Variants in PCDHA7 observed in about 807,000 individuals in gnomAD.
The protein encoded by PCDHA7 is protocadherin alpha-7.
In PCDHA7, 37 loss-of-function variants were observed where a neutral mutation model predicts 57.2. That is an observed-to-expected ratio of 0.65 (90% CI 0.50 to 0.85). The LOEUF (loss-of-function observed/expected upper bound fraction) is 0.85. Among genes scored for constraint, PCDHA7 ranks in the 40% least tolerant of loss-of-function variants. PCDHA7 has a pLI of 0.00. For synonymous variants in PCDHA7, 553 were observed against 558.8 expected (o/e 0.99, Z 0.15); for missense variants, 1,188 against 1,241.8 (o/e 0.96, Z 0.65).
intron 1 of PCDHA7, among the ~76,000 whole-genome samples, chr5:140,943,500 G>T (rs907493905): frequency 6.6e-6 from 1 of 152,048 alleles, no homozygotes; most frequent in Non-Finnish European, 1.5e-5. Flanking sequence ...TGCTATCAAG[G>T]TTCATGGAAA....
chr5:140,877,178 C>T (rs370071106), intron 1 of PCDHA7: 2 of 1,613,794 alleles, frequency 1.2e-6, no homozygotes, highest in South Asian at 2.2e-5. Context: ...CTGGCGACTC[C>T]GGCTGGCAGC....
chr5:140,949,779 T>A (rs1414817850), intron 1 of PCDHA7, among the ~76,000 whole-genome samples: 1 of 151,898 alleles, frequency 6.6e-6, no homozygotes, highest in East Asian at 1.9e-4. Context: ...ATTTGATATG[T>A]TTAGATTTGT....
intron 1 of PCDHA7, among the ~76,000 whole-genome samples, chr5:140,935,203 A>T (rs1403808889): frequency 6.6e-6 from 1 of 152,160 alleles, no homozygotes; most frequent in African/African-American, 2.4e-5. Flanking sequence ...GTTTCTAGGT[A>T]TCTTCAGCTA....
At position 140,838,077 on chromosome 5, in the gene PCDHA7, A is replaced by AGTGT. The variant is rs57130401; in HGVS notation, c.2355+1390_2355+1393dup. On this transcript the variant is annotated intron_variant, in intron 1 of 3. Transcript: ENST00000525929. ...TTTCCACTTTAAGTTATATATATAT[A>AGTGT]GTGTGTGTGTGTGTGTGTGTGTGTG... is the stretch of plus-strand genomic sequence containing the variant. Among the ~76,000 whole-genome samples, 532 of 80,648 alleles carry AGTGT rather than the reference A, an allele frequency of 6.6e-3. 5 individuals are homozygous for AGTGT. Among genetic ancestry groups the AGTGT allele is most frequent in the South Asian group, 0.011 (25 of 2,340 alleles). The allele number at this position is 80,648 out of a possible 152,430, so 52.9% of individuals were successfully genotyped here.
chr5:140,960,417 A>G (rs1340642372), intron 1 of PCDHA7, among the ~76,000 whole-genome samples: 10 of 152,218 alleles, frequency 6.6e-5, no homozygotes, highest in African/African-American at 1.9e-4. Flanking sequence ...CAAAAAGTCA[A>G]CAATTACTTG....
chr5:140,934,999 T>C (rs2090139389), intron 1 of PCDHA7, among the ~76,000 whole-genome samples: 1 of 152,196 alleles, frequency 6.6e-6, no homozygotes, highest in Admixed American at 6.5e-5. Flanking sequence ...CCTGAATCCT[T>C]TTCATGTGAG....
intron 1 of PCDHA7, among the ~76,000 whole-genome samples, chr5:140,887,041 A>G (rs1166286264): frequency 6.6e-6 from 1 of 152,026 alleles, no homozygotes; most frequent in African/African-American, 2.4e-5. Flanking sequence ...AATATTTTTT[A>G]TAGTGCATAT....
At position 141,010,354 on chromosome 5, in the gene PCDHA7, C is replaced by A. The variant is rs1359778786; in HGVS notation, c.*417C>A. On this transcript the variant is annotated 3_prime_UTR_variant, in exon 4 of 4. Coordinates refer to ENST00000525929, the MANE Select transcript of PCDHA7 (RefSeq NM_018910.3). ...GTTTGTGGCCACTGGGTATGTGTGG[C>A]TACCGCGGGTATGCGAGTGCCAGAT... The A allele has an allele frequency of 2.0e-6, 3 of 1,506,078 alleles. No homozygotes were observed. The highest frequency in any genetic ancestry group is 4.4e-5 in the Admixed American group (2 of 45,166). 93.3% of individuals were successfully genotyped at this position (1,506,078 alleles called of 1,614,324 possible).
rs1424860955 is a variant in PCDHA7, at chr5:140,855,923, A to G, written c.2355+19185A>G. 3.3e-6 allele frequency: 4 copies of G among 1,229,030 alleles called. No individual in the cohort carries two copies. In the East Asian group the frequency reaches 9.4e-5, roughly 29 times the overall value. The allele number at this position is 1,229,030 out of a possible 1,614,324, so 76.1% of individuals were successfully genotyped here. ...GCCAGTTTCTCAAGGACTAGGAAGT[A>G]GCGTCATTCTGAGATCTCAGCCATT... On this transcript the variant is annotated intron_variant, in intron 1 of 3. Transcript: ENST00000525929.
At chr5:140,868,817 T>C in intron 1 of PCDHA7, 1 of 380,686 alleles carries the variant, frequency 2.6e-6, no homozygotes, top group South Asian at 6.7e-5. Context: ...TTGGAAATAT[T>C]TGGGGGAAGA....
chr5:140,856,987 C>G (rs144244943), intron 1 of PCDHA7: 1 of 1,595,238 alleles, frequency 6.3e-7, no homozygotes, highest in Non-Finnish European at 8.6e-7. Flanking sequence ...AGGACAGTAA[C>G]ACTTATGAAA....
At chr5:140,931,539 T>C (rs1339633476) in intron 1 of PCDHA7, among the ~76,000 whole-genome samples, 1 of 152,056 alleles carries the variant, frequency 6.6e-6, no homozygotes, top group Non-Finnish European at 1.5e-5. Context: ...AGAGATATAC[T>C]GTTCATATGT....
intron 1 of PCDHA7, among the ~76,000 whole-genome samples, chr5:140,895,744 G>T (rs534394379): frequency 6.6e-6 from 1 of 152,182 alleles, no homozygotes; most frequent in Admixed American, 6.5e-5. Flanking sequence ...GCTGCAAAGG[G>T]CATGATCTTT....
chr5:140,849,846 A>T, intron 1 of PCDHA7: 5 of 1,598,504 alleles, frequency 3.1e-6, no homozygotes, highest in Non-Finnish European at 4.3e-6. Flanking sequence ...CGTGAACGAC[A>T]ACGCACCAGC....
intron 1 of PCDHA7, chr5:140,967,828 CATCGTGG>C: frequency 6.2e-7 from 1 of 1,614,146 alleles, no homozygotes. Flanking sequence ...TGCTGGTGGA[CATCGTGG>C]ACGTGAATGA....
At chr5:140,955,771 A>G (rs527455823) in intron 1 of PCDHA7, among the ~76,000 whole-genome samples, 1 of 152,168 alleles carries the variant, frequency 6.6e-6, no homozygotes, top group Admixed American at 6.5e-5. Context: ...GATTCTGTCT[A>G]TCCATGAGCA....
chr5:140,916,193 C>T lies in PCDHA7; in HGVS notation c.2356-62756C>T, dbSNP rs536117096. On this transcript the variant is annotated intron_variant, in intron 1 of 3. Transcript: ENST00000525929. ...CTGGGACTCTTCAAGGAAGTGGGCACCCCTCTGCCCTGGGGAAGATCCAAA... is the reference window on the plus strand; with the variant it reads ...CTGGGACTCTTCAAGGAAGTGGGCATCCCTCTGCCCTGGGGAAGATCCAAA... 1.6e-4 allele frequency among the ~76,000 whole-genome samples: 25 copies of T among 152,256 alleles called. No individual in the cohort carries two copies. In the South Asian group the frequency reaches 5.0e-3, roughly 30 times the overall value.
At chr5:140,904,193 T>C (rs1554191351) in intron 1 of PCDHA7, among the ~76,000 whole-genome samples, 2 of 151,930 alleles carry the variant, frequency 1.3e-5, no homozygotes, top group Non-Finnish European at 2.9e-5. Flanking sequence ...TTCCCACCCT[T>C]TCCCCCTAAG....
intron 1 of PCDHA7, chr5:140,858,303 G>A: frequency 6.3e-7 from 1 of 1,597,370 alleles, no homozygotes; most frequent in South Asian, 1.1e-5. Context: ...TCGCAGCAGA[G>A]GCGGCAGAGG....
Sources: gnomAD v4.1 joint callset for allele counts (sites outside exome capture counted in the v4.1 genomes callset) on GRCh38, gnomAD v4.1.1 for gene constraint, MANE v1.5 for transcripts, NCBI Gene and HGNC (gene_info 2026-07-23, HGNC 2026-07-21) for gene names.